FANCC: variants seen among roughly 807,000 people sequenced by gnomAD.
FANCC encodes FA complementation group C.
In FANCC, 55 loss-of-function variants were observed where a neutral mutation model predicts 71.3. The observed-to-expected ratio is 0.77, with a 90% CI of 0.62 to 0.97. FANCC has a LOEUF of 0.97. FANCC is among the 50% of genes least tolerant of loss of function. The pLI is 0.00. For missense variants in FANCC, 678 were observed against 670.9 expected (o/e 1.01, Z -0.12); for synonymous variants, 275 against 244.9 (o/e 1.12, Z -1.15).
intron 1 of FANCC, among the ~76,000 whole-genome samples, chr9:95,252,853 A>G (rs1328070392): frequency 1.3e-5 from 2 of 151,120 alleles, no homozygotes; most frequent in East Asian, 3.9e-4. Flanking sequence ...GTTTGAGACC[A>G]GCCTGGGCAA....
At chr9:95,236,822 A>C (rs1564782532) in intron 4 of FANCC, among the ~76,000 whole-genome samples, 1 of 152,240 alleles carries the variant, frequency 6.6e-6, no homozygotes, top group Non-Finnish European at 1.5e-5. Flanking sequence ...AAACATTAAA[A>C]TATGGCTGTT....
rs539833295 is a variant in FANCC at position 95,099,655 on chromosome 9, C to G, written c.*2052G>C. On this transcript the variant is annotated 3_prime_UTR_variant, in exon 15 of 15. Coordinates refer to ENST00000289081, the MANE Select transcript of FANCC (RefSeq NM_000136.3). ...AGGGCAAAGGGCCACATGAAGCCAG[C>G]AGGCACTTCAGTGCCACGTCCCCAG... 8 of 231,566 alleles carry G rather than the reference C, an allele frequency of 3.5e-5. No individual in the cohort carries two copies. Among genetic ancestry groups the G allele is most frequent in the Non-Finnish European group, 6.0e-5 (7 of 117,072 alleles). The allele number at this position is 231,566 out of a possible 1,614,324, so 14.3% of individuals were successfully genotyped here.
At chr9:95,190,890 T>C (rs7023007) in intron 4 of FANCC, among the ~76,000 whole-genome samples, 69,380 of 151,840 alleles carry the variant, frequency 0.46, 16,022 homozygotes, top group East Asian at 0.58. Context: ...TGCTGAGGTC[T>C]TCTGTCATGA....
At chr9:95,308,506 G>A (rs938730986) in intron 1 of FANCC, among the ~76,000 whole-genome samples, 2 of 151,880 alleles carry the variant, frequency 1.3e-5, no homozygotes, top group East Asian at 3.9e-4. Context: ...GGCTGGAGTC[G>A]AACTCCTGAC....
chr9:95,263,776 C>T (rs1832217490), intron 1 of FANCC, among the ~76,000 whole-genome samples: 2 of 152,046 alleles, frequency 1.3e-5, no homozygotes, highest in African/African-American at 2.4e-5. Flanking sequence ...AAAAGGGTCT[C>T]GGGGACCCTG....
intron 4 of FANCC, among the ~76,000 whole-genome samples, chr9:95,215,880 T>C (rs1182867773): frequency 2.0e-5 from 3 of 152,228 alleles, no homozygotes; most frequent in East Asian, 3.8e-4. Context: ...GCCAATTACA[T>C]TGTGTAGTGG....
chr9:95,225,956 C>T (rs1446809462), intron 4 of FANCC, among the ~76,000 whole-genome samples: 4 of 152,100 alleles, frequency 2.6e-5, no homozygotes, highest in Non-Finnish European at 5.9e-5. Context: ...ACAATTAGAC[C>T]TTATGTGTGG....
chr9:95,137,511 T>G (rs1444075358), intron 7 of FANCC, among the ~76,000 whole-genome samples: 2 of 152,092 alleles, frequency 1.3e-5, no homozygotes, highest in African/African-American at 2.4e-5. Context: ...GGCAAAGCCC[T>G]GCCATGGTGC....
Position 95,210,085 on chromosome 9 carries a change from G to A in FANCC, c.345+30564C>T, listed in dbSNP as rs191195309. ...AAATACACCATCAAGCAAACAAGCA[G>A]GTGGCAGAAGAATACATGTCATTAT... On this transcript the variant is annotated intron_variant, in intron 4 of 14. Transcript: ENST00000289081. Among the ~76,000 whole-genome samples, 608 of 152,168 alleles carry A rather than the reference G, an allele frequency of 4.0e-3. 2 individuals carry two copies. The highest frequency in any genetic ancestry group is 0.014 in the Middle Eastern group (4 of 294).
At chr9:95,299,095 A>G (rs1432701473) in intron 1 of FANCC, among the ~76,000 whole-genome samples, 1 of 152,226 alleles carries the variant, frequency 6.6e-6, no homozygotes, top group Admixed American at 6.5e-5. Flanking sequence ...TTAGTCTAAC[A>G]CACCATTTAC....
chr9:95,294,325 C>A (rs1035778578), intron 1 of FANCC: 3 of 1,587,924 alleles, frequency 1.9e-6, no homozygotes, highest in Non-Finnish European at 2.6e-6. Flanking sequence ...GAACACTGAG[C>A]CAGTCTTGGA....
At chr9:95,295,790 G>A (rs1834333059) in intron 1 of FANCC, among the ~76,000 whole-genome samples, 1 of 150,646 alleles carries the variant, frequency 6.6e-6, no homozygotes, top group Non-Finnish European at 1.5e-5. Flanking sequence ...AAAAAAAAGA[G>A]TACAATGGCT....
Position 95,117,358 on chromosome 9 carries a change from G to A in FANCC, c.1029C>T (p.Tyr343=), listed in dbSNP as rs2072504418. 2 of 1,614,090 alleles carry A rather than the reference G, an allele frequency of 1.2e-6. No individual in the cohort carries two copies. The highest frequency in any genetic ancestry group is 2.2e-5 in the East Asian group (1 of 44,872). The change falls in exon 11 of 15, where the codon TAC becomes TAT. Residue 343 remains tyrosine, a synonymous_variant. Coordinates refer to ENST00000289081, the MANE Select transcript of FANCC (RefSeq NM_000136.3). The part of the protein sequence containing the change: ...LRFALKTYFP[Y]TSPSLAMVLL... Reference sequence around the variant, plus strand: ...GCACCATGGCAAGAGATGGAGAAGTGTAAGGAAAGTAGGTCTTGAGTGCAA... The same window carrying A: ...GCACCATGGCAAGAGATGGAGAAGTATAAGGAAAGTAGGTCTTGAGTGCAA...
intron 6 of FANCC, among the ~76,000 whole-genome samples, chr9:95,151,761 C>T (rs778621864): frequency 3.9e-5 from 6 of 152,106 alleles, no homozygotes; most frequent in Non-Finnish European, 7.4e-5. Flanking sequence ...AACCCCAACT[C>T]TACAAAAAAT....
chr9:95,275,091 C>T (rs1391757191), intron 1 of FANCC, among the ~76,000 whole-genome samples: 2 of 149,620 alleles, frequency 1.3e-5, no homozygotes, highest in African/African-American at 4.9e-5. Flanking sequence ...AGGCAACATA[C>T]CAAGACCCTG....
At chr9:95,139,838 A>ATATATATATATAAATATATATATT (rs1564685138) in intron 7 of FANCC, among the ~76,000 whole-genome samples, 1 of 147,002 alleles carries the variant, frequency 6.8e-6, no homozygotes, top group African/African-American at 2.5e-5. Context: ...ATATATTTAT[A>ATATATATATATAAATATATATATT]TATATATATA....
chr9:95,190,362 AG>A (rs1308941793), intron 4 of FANCC, among the ~76,000 whole-genome samples: 1 of 152,192 alleles, frequency 6.6e-6, no homozygotes, highest in Non-Finnish European at 1.5e-5. Flanking sequence ...TAGATTAAAA[AG>A]AAAAAAGTTC....
At chr9:95,138,615 T>C (rs1380061288) in intron 7 of FANCC, among the ~76,000 whole-genome samples, 1 of 152,216 alleles carries the variant, frequency 6.6e-6, no homozygotes, top group African/African-American at 2.4e-5. Context: ...CGAATCTGTA[T>C]GTCACTGGAA....
At chr9:95,230,789 C>T (rs1186114798) in intron 4 of FANCC, among the ~76,000 whole-genome samples, 1 of 152,166 alleles carries the variant, frequency 6.6e-6, no homozygotes, top group African/African-American at 2.4e-5. Flanking sequence ...GGGTGGCCAG[C>T]TTTTATTCCC....
Sources: allele counts gnomAD v4.1 joint callset (sites outside exome capture counted in the v4.1 genomes callset), GRCh38; gene constraint gnomAD v4.1.1; transcripts MANE v1.5; gene names NCBI Gene and HGNC (gene_info 2026-07-23, HGNC 2026-07-21).